The following KDM4B variants were observed in gnomAD, a reference collection of about 807,000 sequenced individuals.
KDM4B encodes lysine demethylase 4B.
A neutral mutation model predicts 125.2 loss-of-function variants in KDM4B; 32 were observed. That is an observed-to-expected ratio of 0.26 (90% CI 0.19 to 0.34). The LOEUF is 0.34. KDM4B is among the 10% of genes least tolerant of loss of function. The pLI, the probability that KDM4B is intolerant of heterozygous loss-of-function variation, is 1.00. For synonymous variants in KDM4B, 721 were observed against 677.9 expected (o/e 1.06, Z -0.99); for missense variants, 1,190 against 1,577.7 (o/e 0.75, Z 4.16).
intron 9 of KDM4B, among the ~76,000 whole-genome samples, chr19:5,105,074 C>T (rs567730233): frequency 1.3e-5 from 2 of 152,148 alleles, no homozygotes; most frequent in African/African-American, 2.4e-5. Flanking sequence ...CAAATGGCCC[C>T]GCTCCCTGAG....
At position 5,114,210 on chromosome 19, in the gene KDM4B, G is replaced by A. The variant is rs1325381767; in HGVS notation, c.1115+3392G>A. On this transcript the variant is annotated intron_variant, in intron 10 of 22. Coordinates refer to ENST00000159111, the MANE Select transcript of KDM4B (RefSeq NM_015015.3). This position sits in a 1 kb window ranked among gnomAD's most constrained non-coding sequence, Gnocchi z 5.8. ...TCCACGCGAGAAGCGCCATGTGCAC[G>A]TGCTCCAGCAGGTACGCGCTCCCTG... 1.6e-5 allele frequency: 20 copies of A among 1,289,720 alleles called. No homozygotes were observed. Among genetic ancestry groups the A allele is most frequent in the East Asian group, 5.6e-5 (1 of 18,018 alleles). 79.9% of individuals were successfully genotyped at this position (1,289,720 alleles called of 1,614,324 possible). A position where few individuals can be genotyped will look rare whatever the true frequency, so the allele number is the denominator to read the frequency against.
intron 13 of KDM4B, among the ~76,000 whole-genome samples, chr19:5,133,402 C>A (rs1242473829): frequency 6.6e-6 from 1 of 152,160 alleles, no homozygotes; most frequent in Non-Finnish European, 1.5e-5. Context: ...AGTCTGTGCC[C>A]ACCTAAGACA....
intron 9 of KDM4B, among the ~76,000 whole-genome samples, chr19:5,086,307 G>A (rs1244131531): frequency 6.6e-6 from 1 of 151,428 alleles, no homozygotes; most frequent in Non-Finnish European, 1.5e-5. Flanking sequence ...CTGTGTTCAC[G>A]GGTTGGCAAG....
intron 1 of KDM4B, among the ~76,000 whole-genome samples, chr19:4,976,511 C>A (rs745411297): frequency 4.2e-4 from 64 of 152,192 alleles, no homozygotes; most frequent in Non-Finnish European, 1.3e-4. Context: ...CCAAGGAGTT[C>A]AGTGTGACCT....
At chr19:5,036,958 G>A (rs1353043987) in intron 3 of KDM4B, among the ~76,000 whole-genome samples, 2 of 152,208 alleles carry the variant, frequency 1.3e-5, no homozygotes, top group African/African-American at 4.8e-5. Flanking sequence ...CCGTGTGTGC[G>A]GCGCAGACAC....
chr19:5,149,913 C>G (rs1282198826), intron 21 of KDM4B, among the ~76,000 whole-genome samples: 3 of 152,252 alleles, frequency 2.0e-5, no homozygotes, highest in Admixed American at 6.5e-5. Flanking sequence ...GGCTCCTGAG[C>G]TCAGGCCCCT....
intron 9 of KDM4B, among the ~76,000 whole-genome samples, chr19:5,105,250 A>G (rs937868457): frequency 3.3e-5 from 5 of 152,248 alleles, no homozygotes; most frequent in Non-Finnish European, 7.3e-5. Flanking sequence ...GGAAGCCGGT[A>G]GTGGGGCGCG....
chr19:5,077,822 C>T (rs745887237), intron 8 of KDM4B: 5 of 275,892 alleles, frequency 1.8e-5, no homozygotes, highest in Non-Finnish European at 2.8e-5. Flanking sequence ...AAACAGAGGG[C>T]AGGGCCCCTC....
At position 5,011,290 on chromosome 19, in the gene KDM4B, G is replaced by T. The variant is rs190514066; in HGVS notation, c.-108-4967G>T. Among the ~76,000 whole-genome samples, 471 of 152,324 alleles carry T rather than the reference G, an allele frequency of 3.1e-3. 1 individual carries two copies. Among genetic ancestry groups the T allele is most frequent in the Admixed American group, 5.1e-3 (78 of 15,300 alleles). On this transcript the variant is annotated intron_variant, in intron 1 of 22. Transcript: ENST00000159111. The stretch of plus-strand genomic sequence containing the variant: ...TGCTCGATGCTGTTGGGGCATCATT[G>T]CTTCTAGGTTTTCTCTGCTGACAGG...
rs1382248219 is a variant in KDM4B, at chr19:5,025,323, G to A, written c.-25-7543G>A. On this transcript the variant is annotated intron_variant, in intron 2 of 22. Transcript: ENST00000159111. Reference sequence around the variant, plus strand: ...CTCTGCGGTGCCCCAGCCAGGAGCAGCTGTAGACTCTGTGGACCGTATGTG... The same window carrying A: ...CTCTGCGGTGCCCCAGCCAGGAGCAACTGTAGACTCTGTGGACCGTATGTG... Among the ~76,000 whole-genome samples the A allele has an allele frequency of 3.3e-5, 5 of 152,364 alleles. No homozygotes were observed. The East Asian group carries it at 5.8e-4, about 18-fold the overall frequency.
intron 5 of KDM4B, among the ~76,000 whole-genome samples, chr19:5,044,040 T>G (rs1599488520): frequency 1.4e-5 from 1 of 71,896 alleles, no homozygotes. Context: ...CCACGCGGTG[T>G]TTATCGGAGT....
chr19:5,062,358 ATCGG>A (rs1282945110), intron 6 of KDM4B, among the ~76,000 whole-genome samples: 1 of 152,214 alleles, frequency 6.6e-6, no homozygotes, highest in Non-Finnish European at 1.5e-5. Context: ...TGGGGTGGCC[ATCGG>A]TAGCATGCCT....
intron 9 of KDM4B, among the ~76,000 whole-genome samples, chr19:5,104,411 C>A (rs764273262): frequency 6.6e-6 from 1 of 151,906 alleles, no homozygotes; most frequent in Non-Finnish European, 1.5e-5. Context: ...TCTTTTTGAG[C>A]TAAAAGTTGG....
intron 11 of KDM4B, among the ~76,000 whole-genome samples, chr19:5,126,385 C>T (rs1166696949): frequency 1.3e-5 from 2 of 152,304 alleles, no homozygotes; most frequent in South Asian, 2.1e-4. Context: ...AAGGCGGCCT[C>T]GTCCACCTCT....
At chr19:5,054,275 C>T (rs1415324915) in intron 6 of KDM4B, among the ~76,000 whole-genome samples, 1 of 152,122 alleles carries the variant, frequency 6.6e-6, no homozygotes, top group African/African-American at 2.4e-5. Flanking sequence ...GAGACGGGGT[C>T]TCCCCGTGTT....
intron 3 of KDM4B, among the ~76,000 whole-genome samples, chr19:5,037,887 A>T (rs953669064): frequency 4.6e-5 from 7 of 152,260 alleles, no homozygotes; most frequent in Admixed American, 1.3e-4. Context: ...AAACCTGTGC[A>T]TGCCGGCCAC....
chr19:5,063,965 C>T (rs926699235), intron 6 of KDM4B, among the ~76,000 whole-genome samples: 1 of 152,214 alleles, frequency 6.6e-6, no homozygotes, highest in African/African-American at 2.4e-5. Context: ...GGGGCTGAGA[C>T]AGCAGCTCTC....
At chr19:4,987,315 C>A (rs180927878) in intron 1 of KDM4B, among the ~76,000 whole-genome samples, 48 of 151,992 alleles carry the variant, frequency 3.2e-4, no homozygotes, top group Non-Finnish European at 6.3e-4. Flanking sequence ...TGGCCGATTG[C>A]GGTCAGGAGC....
intron 2 of KDM4B, among the ~76,000 whole-genome samples, chr19:5,024,452 G>A (rs988229363): frequency 4.6e-5 from 7 of 152,258 alleles, no homozygotes; most frequent in South Asian, 2.1e-4. Flanking sequence ...AGGCTGGAGC[G>A]TGCGGCCCTG....
Sources: allele counts gnomAD v4.1 joint callset (sites outside exome capture counted in the v4.1 genomes callset), GRCh38; gene constraint gnomAD v4.1.1; non-coding constraint Gnocchi (gnomAD v3.1); transcripts MANE v1.5; gene names NCBI Gene and HGNC (gene_info 2026-07-23, HGNC 2026-07-21).